Variants in TFEB observed in about 807,000 individuals in gnomAD.
TFEB encodes the protein T-cell transcription factor EB.
In TFEB, 12 loss-of-function variants were observed where a neutral mutation model predicts 48.0. That is an observed-to-expected ratio of 0.25 (90% CI 0.16 to 0.40). The LOEUF (loss-of-function observed/expected upper bound fraction) is 0.40, where lower values mean the gene tolerates loss of function less well. Among genes scored for constraint, TFEB ranks in the 10% least tolerant of loss-of-function variants. The pLI is 1.00. For synonymous variants in TFEB, 244 were observed against 261.4 expected, an observed-to-expected ratio of 0.93 and a Z score of 0.64; for missense variants, 509 against 640.3, an observed-to-expected ratio of 0.79 and a Z score of 2.21.
Position 41,735,422 on chromosome 6 carries a change from T to C in TFEB, c.-95A>G, listed in dbSNP as rs1771640638. Reference sequence around the variant, plus strand: ...GCAACTTGTCGCAAGTTCGGGTGCCTGGCCCGCAAGCTGTGCCCGCCACCT... The same window carrying C: ...GCAACTTGTCGCAAGTTCGGGTGCCCGGCCCGCAAGCTGTGCCCGCCACCT... On this transcript the variant is annotated 5_prime_UTR_variant, in exon 1 of 9. Coordinates refer to ENST00000373033, the MANE Select transcript of TFEB (RefSeq NM_001271944.2). 3 of 985,494 alleles carry C rather than the reference T, an allele frequency of 3.0e-6. No individual in the cohort carries two copies. Among genetic ancestry groups the C allele is most frequent in the Non-Finnish European group, 3.6e-6 (3 of 830,368 alleles). The allele number at this position is 985,494 out of a possible 1,614,324, so 61.0% of individuals were successfully genotyped here.
At chr6:41,701,131 ACACACATGCACG>A (rs916040922) in intron 1 of TFEB, among the ~76,000 whole-genome samples, 3 of 152,172 alleles carry the variant, frequency 2.0e-5, no homozygotes, top group East Asian at 1.9e-4. Context: ...CTTCTCTCTC[ACACACATGCACG>A]CACACATGCA....
Position 41,734,827 on chromosome 6 carries a change from G to A in TFEB, c.-23+523C>T. ...CCCCCCCATCAGCCCAGCCCCCGGG[G>A]CGTGGCGCCGCTCTGGCCCTCCCAC... On this transcript the variant is annotated intron_variant, in intron 1 of 8. Transcript: ENST00000373033. The surrounding 1 kb of genome is among the most constrained non-coding windows in gnomAD (Gnocchi z 4.0). The A allele has an allele frequency of 1.1e-6, 1 of 919,348 alleles. No individual in the cohort carries two copies. The highest frequency in any genetic ancestry group is 1.3e-6 in the Non-Finnish European group (1 of 769,466). 56.9% of individuals were successfully genotyped at this position (919,348 alleles called of 1,614,324 possible).
rs943420121 is a variant in TFEB, at chr6:41,689,909, C to T, written c.469-98G>A. ...CACTGACCTGGAGGGACCTTGGAGC[C>T]CACCTCACCCAACCTACTTATCTGG... On this transcript the variant is annotated intron_variant, in intron 3 of 8. Transcript: ENST00000373033. 34 of 848,802 alleles carry T rather than the reference C, an allele frequency of 4.0e-5. No individual in the cohort carries two copies. The Middle Eastern group carries it at 1.1e-3, about 28-fold the overall frequency. 52.6% of individuals were successfully genotyped at this position (848,802 alleles called of 1,614,324 possible). A position where few individuals can be genotyped will look rare whatever the true frequency, so the allele number is the denominator to read the frequency against.
chr6:41,703,229 A>G (rs1052635983), intron 1 of TFEB, among the ~76,000 whole-genome samples: 7 of 152,198 alleles, frequency 4.6e-5, no homozygotes, highest in African/African-American at 1.4e-4. Context: ...GGCAGGCACA[A>G]CGACCACAGC....
At position 41,684,684 on chromosome 6, in the gene TFEB, G is replaced by A; in HGVS notation, c.1346C>T (p.Pro449Leu). The A allele has an allele frequency of 6.2e-7, 1 of 1,613,588 alleles. No homozygotes were observed. Among genetic ancestry groups the A allele is most frequent in the Non-Finnish European group, 8.5e-7 (1 of 1,179,826 alleles). ...DDSLLPLASD[P>L]LLSTMSPEAS... Reference sequence around the variant, plus strand: ...CTCGGGGGACATGGTGGACAGAAGTGGATCAGAGGCCAGCGGTAGCAGTGA... The same window carrying A: ...CTCGGGGGACATGGTGGACAGAAGTAGATCAGAGGCCAGCGGTAGCAGTGA... The change falls in exon 9 of 9, where the codon CCA becomes CTA. Residue 449 changes from proline to leucine, a missense_variant. Physicochemically the swap from Pro to Leu is moderately conservative, Grantham distance 98 (BLOSUM62 -3). This residue lies in a region of TFEB where 168 missense variants were observed against 161.0 expected (regional missense o/e 1.04). Coordinates refer to ENST00000373033, the MANE Select transcript of TFEB (RefSeq NM_001271944.2).
rs528530815 is a variant in TFEB, at chr6:41,734,824, G to C, written c.-23+526C>G. ...CCGCCCCCCCATCAGCCCAGCCCCC[G>C]GGGCGTGGCGCCGCTCTGGCCCTCC... On this transcript the variant is annotated intron_variant, in intron 1 of 8. Coordinates refer to ENST00000373033, the MANE Select transcript of TFEB (RefSeq NM_001271944.2). The surrounding 1 kb of genome is among the most constrained non-coding windows in gnomAD (Gnocchi z 4.0). The C allele has an allele frequency of 2.5e-4, 206 of 820,182 alleles. 1 individual carries two copies. In the African/African-American group the frequency reaches 3.7e-3, roughly 15 times the overall value. 50.8% of individuals were successfully genotyped at this position (820,182 alleles called of 1,614,324 possible). A position where few individuals can be genotyped will look rare whatever the true frequency, so the allele number is the denominator to read the frequency against.
At position 41,724,905 on chromosome 6, in the gene TFEB, A is replaced by T. The variant is rs1771140750; in HGVS notation, c.-23+10445T>A. Among the ~76,000 whole-genome samples, 1 of 152,130 alleles carries T rather than the reference A, an allele frequency of 6.6e-6. No homozygotes were observed. The highest frequency in any genetic ancestry group is 1.5e-5 in the Non-Finnish European group (1 of 68,026). On this transcript the variant is annotated intron_variant, in intron 1 of 8. Coordinates refer to ENST00000373033, the MANE Select transcript of TFEB (RefSeq NM_001271944.2). This position sits in a 1 kb window ranked among gnomAD's most constrained non-coding sequence, Gnocchi z 4.4. ...ATGCCTCCAGCTTGGTGGACAGGGA[A>T]CACAGTCAAGGAAGAAGGGCCAGTG...
chr6:41,732,314 A>G (rs1396440458), intron 1 of TFEB, among the ~76,000 whole-genome samples: 1 of 152,160 alleles, frequency 6.6e-6, no homozygotes, highest in African/African-American at 2.4e-5. Flanking sequence ...TAAAATTCCA[A>G]TCCTGTCACT....
chr6:41,689,051 C>T (rs1232917482), intron 4 of TFEB, among the ~76,000 whole-genome samples: 1 of 152,252 alleles, frequency 6.6e-6, no homozygotes, highest in Non-Finnish European at 1.5e-5. Context: ...CTCATCTAAT[C>T]TTCCCACAAT....
Position 41,691,060 on chromosome 6 carries a change from C to A in TFEB, c.154G>T (p.Ala52Ser). ...QQQLGGPPTP[A>S]INTPVHFQSP... ...TGGAAGTGGACGGGGGTATTGATGG[C>A]CGGGGTGGGCGGCCCTCCGAGCTGC... Residue 52 changes from alanine (A) to serine (S), a missense_variant, in exon 2 of 9, where the codon GCC becomes TCC. This residue lies in a region of TFEB where 251 missense variants were observed against 317.2 expected (regional missense o/e 0.79). Coordinates refer to ENST00000373033, the MANE Select transcript of TFEB (RefSeq NM_001271944.2). This position sits in a 1 kb window ranked among gnomAD's most constrained non-coding sequence, Gnocchi z 5.2. 1 of 1,570,956 alleles carries A rather than the reference C, an allele frequency of 6.4e-7. No homozygotes were observed. Among genetic ancestry groups the A allele is most frequent in the Admixed American group, 1.9e-5 (1 of 53,038 alleles).
rs1198751137 is a variant in TFEB, at chr6:41,714,161, G to A, written c.-23+21189C>T. Reference sequence around the variant, plus strand: ...TGTGCGTGTGTGTGCATGTGCATGCGTGTGCATGTGTGCGTGTGTGTGCAT... The same window carrying A: ...TGTGCGTGTGTGTGCATGTGCATGCATGTGCATGTGTGCGTGTGTGTGCAT... On this transcript the variant is annotated intron_variant, in intron 1 of 8. Coordinates refer to ENST00000373033, the MANE Select transcript of TFEB (RefSeq NM_001271944.2). 9.7e-5 allele frequency among the ~76,000 whole-genome samples: 13 copies of A among 134,684 alleles called. No homozygotes were observed. In the East Asian group the frequency reaches 2.6e-3, roughly 27 times the overall value. 88.4% of individuals were successfully genotyped at this position (134,684 alleles called of 152,430 possible).
chr6:41,700,465 CAAA>C (rs549557871), intron 1 of TFEB, among the ~76,000 whole-genome samples: 30 of 95,674 alleles, frequency 3.1e-4, no homozygotes, highest in Admixed American at 4.2e-4. Flanking sequence ...GACTCCGTCT[CAAA>C]AAAAAAAAAA....
intron 1 of TFEB, chr6:41,733,085 T>C: frequency 1.1e-5 from 11 of 983,182 alleles, no homozygotes; most frequent in Non-Finnish European, 1.3e-5. Flanking sequence ...ATTACAGTCA[T>C]AAACAGAGCC....
At chr6:41,686,012 G>A in intron 8 of TFEB, 78 bp downstream of exon 8, 1 of 1,577,550 alleles carries the variant, frequency 6.3e-7, no homozygotes, top group East Asian at 2.3e-5. Flanking sequence ...AACTTCAGAA[G>A]TACAAGTACT....
At chr6:41,698,387 G>A (rs1769721756) in intron 1 of TFEB, among the ~76,000 whole-genome samples, 1 of 152,214 alleles carries the variant, frequency 6.6e-6, no homozygotes, top group Non-Finnish European at 1.5e-5. Context: ...AAGAGTTTCA[G>A]CGGCTGATCT....
Position 41,730,827 on chromosome 6 carries a change from G to C in TFEB, c.-23+4523C>G, listed in dbSNP as rs543145199. 6.6e-6 allele frequency among the ~76,000 whole-genome samples: 1 copy of C among 152,336 alleles called. No individual in the cohort carries two copies. The highest frequency in any genetic ancestry group is 1.9e-4 in the East Asian group (1 of 5,180). ...GAGTGCATGGTCAGTGGCCAGGCCA[G>C]ATGCTACCCAGGGAAACCCAAGTGG... On this transcript the variant is annotated intron_variant, in intron 1 of 8. Transcript: ENST00000373033. The surrounding 1 kb of genome is among the most constrained non-coding windows in gnomAD (Gnocchi z 4.1).
intron 1 of TFEB, among the ~76,000 whole-genome samples, chr6:41,700,919 G>A (rs1017028521): frequency 6.6e-6 from 1 of 152,204 alleles, no homozygotes; most frequent in Non-Finnish European, 1.5e-5. Flanking sequence ...CCAGGGAGTC[G>A]CCCTGTCCTG....
intron 1 of TFEB, among the ~76,000 whole-genome samples, chr6:41,697,510 C>CT (rs533860910): frequency 4.0e-5 from 6 of 151,224 alleles, no homozygotes; most frequent in East Asian, 1.9e-4. Flanking sequence ...CAAACCCCCC[C>CT]CCTTCCCCAA....
chr6:41,685,794 T>A (rs1031841717), intron 8 of TFEB, among the ~76,000 whole-genome samples: 2 of 152,208 alleles, frequency 1.3e-5, no homozygotes, highest in African/African-American at 4.8e-5. Context: ...TGTGGCACCT[T>A]AAGAGTGACA....
Sources: allele counts gnomAD v4.1 joint callset (sites outside exome capture counted in the v4.1 genomes callset), GRCh38; gene constraint gnomAD v4.1.1; regional missense constraint gnomAD v4.1.1; non-coding constraint Gnocchi (gnomAD v3.1); transcripts MANE v1.5; gene names NCBI Gene and HGNC (gene_info 2026-07-23, HGNC 2026-07-21).